The following CCDC30 variants were observed in gnomAD, a reference collection of about 807,000 sequenced individuals.
CCDC30 encodes the protein coiled-coil domain-containing protein 30.
In CCDC30, 70 loss-of-function variants were observed where a neutral mutation model predicts 100.2. That is an observed-to-expected ratio of 0.70 (90% CI 0.58 to 0.85). The LOEUF (loss-of-function observed/expected upper bound fraction) is 0.85. CCDC30 is among the 40% of genes least tolerant of loss of function. The pLI is 0.00. For synonymous variants in CCDC30, 233 were observed against 269.5 expected (o/e 0.86, Z 1.33); for missense variants, 652 against 771.2 (o/e 0.85, Z 1.83).
chr1:42,531,923 T>A (rs113566476), intron 6 of CCDC30, among the ~76,000 whole-genome samples: 3,419 of 152,192 alleles, frequency 0.022, 51 homozygotes, highest in Non-Finnish European at 0.033. Flanking sequence ...TCACCCTGAT[T>A]TACACATGAG....
intron 15 of CCDC30, among the ~76,000 whole-genome samples, chr1:42,646,764 G>C (rs1194515837): frequency 1.3e-5 from 2 of 152,130 alleles, no homozygotes; most frequent in Non-Finnish European, 2.9e-5. Context: ...AGGTGAACCT[G>C]GGCTTAAGGT....
chr1:42,582,779 T>C (rs1014966727), intron 9 of CCDC30, among the ~76,000 whole-genome samples: 2 of 152,234 alleles, frequency 1.3e-5, no homozygotes, highest in African/African-American at 2.4e-5. Context: ...TCTTTGATTA[T>C]GCTTTGTCTT....
chr1:42,489,537 C>T (rs774985723), intron 3 of CCDC30, among the ~76,000 whole-genome samples: 3 of 152,174 alleles, frequency 2.0e-5, no homozygotes, highest in Non-Finnish European at 4.4e-5. Flanking sequence ...TCATGTTAGT[C>T]TCTTACTTCT....
intron 6 of CCDC30, among the ~76,000 whole-genome samples, chr1:42,546,839 A>C (rs1176867400): frequency 6.6e-6 from 1 of 152,184 alleles, no homozygotes; most frequent in Non-Finnish European, 1.5e-5. Context: ...TCCTGGGCAC[A>C]TAAGTTAATA....
intron 10 of CCDC30, 34 bp downstream of exon 14, chr1:42,589,517 C>T (rs1646142594): frequency 6.3e-7 from 1 of 1,577,034 alleles, no homozygotes; most frequent in Non-Finnish European, 8.7e-7. Context: ...TCTCAGTTTT[C>T]CTATTCCCAT....
chr1:42,562,670 A>C (rs986247935), intron 6 of CCDC30, among the ~76,000 whole-genome samples: 5 of 152,240 alleles, frequency 3.3e-5, no homozygotes, highest in African/African-American at 1.2e-4. Context: ...GTGAACAGGC[A>C]ACCTAGAGAA....
chr1:42,539,460 C>T (rs1644971544), intron 6 of CCDC30, 150 bp downstream of exon 8: 2 of 564,594 alleles, frequency 3.5e-6, no homozygotes, highest in Non-Finnish European at 5.8e-6. Flanking sequence ...CTGCCATATA[C>T]TGTGGATTAT....
At chr1:42,592,098 G>A (rs996775448) in intron 10 of CCDC30, 3 of 152,184 alleles carry the variant, frequency 2.0e-5, no homozygotes, top group Admixed American at 6.5e-5. Context: ...AGGCTCATAA[G>A]TGGAAGGAGA....
intron 6 of CCDC30, chr1:42,534,967 A>G (rs1391924288): frequency 6.6e-6 from 1 of 152,248 alleles, no homozygotes; most frequent in Non-Finnish European, 1.5e-5. Flanking sequence ...AGATCAAGAG[A>G]CAAAGTACAA....
At chr1:42,533,626 C>A (rs573917468) in intron 6 of CCDC30, among the ~76,000 whole-genome samples, 188 of 152,338 alleles carry the variant, frequency 1.2e-3, no homozygotes, top group Admixed American at 2.1e-3. Context: ...AGGGCTACAG[C>A]ATACCCAGCA....
chr1:42,608,759 A>G (rs1298159700), intron 10 of CCDC30, among the ~76,000 whole-genome samples: 2 of 151,760 alleles, frequency 1.3e-5, no homozygotes, highest in Non-Finnish European at 2.9e-5. Flanking sequence ...TCTTGGAGAA[A>G]TTCAAGAGCA....
intron 6 of CCDC30, chr1:42,500,381 G>A (rs1569824678): frequency 1.2e-5 from 17 of 1,361,246 alleles, no homozygotes; most frequent in East Asian, 4.6e-5. Context: ...GAGAACGAGC[G>A]AAGTCTGGTC....
chr1:42,567,886 T>G (rs927386985), intron 7 of CCDC30, among the ~76,000 whole-genome samples: 1 of 152,122 alleles, frequency 6.6e-6, no homozygotes, highest in African/African-American at 2.4e-5. Context: ...AATGATAGCT[T>G]GGTAACAAGA....
At chr1:42,536,809 G>T in intron 6 of CCDC30, 2 of 502,454 alleles carry the variant, frequency 4.0e-6, no homozygotes, top group Non-Finnish European at 7.0e-6. Flanking sequence ...AGCCAAGTCA[G>T]TTCCTGGTGA....
chr1:42,468,242 T>G (rs542230656), intron 1 of CCDC30, among the ~76,000 whole-genome samples: 1 of 152,342 alleles, frequency 6.6e-6, no homozygotes, highest in East Asian at 1.9e-4. Flanking sequence ...AATCTATAAC[T>G]GGTGGGGCAG....
intron 6 of CCDC30, among the ~76,000 whole-genome samples, chr1:42,549,812 C>A (rs747654520): frequency 3.9e-5 from 6 of 152,200 alleles, no homozygotes; most frequent in Non-Finnish European, 8.8e-5. Flanking sequence ...TAGAGCCCAG[C>A]TGATCTCAGC....
chr1:42,525,691 G>T (rs942000490), intron 6 of CCDC30, among the ~76,000 whole-genome samples: 1 of 152,128 alleles, frequency 6.6e-6, no homozygotes, highest in South Asian at 2.1e-4. Context: ...ATTAAACTTT[G>T]TTTTCACAGT....
intron 6 of CCDC30, among the ~76,000 whole-genome samples, chr1:42,509,754 T>A (rs1453954605): frequency 6.6e-6 from 1 of 152,094 alleles, no homozygotes; most frequent in Non-Finnish European, 1.5e-5. Context: ...GGCTGCAACT[T>A]AAGACCAACC....
intron 11 of CCDC30, 57 bp from the exon 16 acceptor site, chr1:42,637,180 T>G (rs369279389): frequency 2.8e-6 from 4 of 1,418,682 alleles, no homozygotes; most frequent in Non-Finnish European, 9.6e-7. Context: ...ATATTGAGGA[T>G]GCAAAATAAA....
Sources: allele counts gnomAD v4.1 joint callset (sites outside exome capture counted in the v4.1 genomes callset), GRCh38; gene constraint gnomAD v4.1.1; transcripts MANE v1.5; gene names NCBI Gene and HGNC (gene_info 2026-07-23, HGNC 2026-07-21).